NNMT: variants seen among roughly 807,000 people sequenced by gnomAD.
NNMT encodes nicotinamide N-methyltransferase.
In NNMT, 10 loss-of-function variants were observed where a neutral mutation model predicts 11.7. The observed-to-expected ratio is 0.85, with a 90% CI of 0.53 to 1.45. The LOEUF (loss-of-function observed/expected upper bound fraction) is 1.45, where lower values mean the gene tolerates loss of function less well. Among genes scored for constraint, NNMT ranks in the 40% most tolerant of loss-of-function variants. The probability of loss-of-function intolerance (pLI) is 0.00; values close to 1 mark genes in which losing one functional copy is unlikely to be tolerated. For synonymous variants in NNMT, 143 were observed against 133.8 expected (o/e 1.07, Z -0.48); for missense variants, 381 against 319.4 (o/e 1.19, Z -1.47).
intron 2 of NNMT, among the ~76,000 whole-genome samples, chr11:114,266,997 G>A (rs1397333703): frequency 6.6e-6 from 1 of 152,320 alleles, no homozygotes; most frequent in Non-Finnish European, 1.5e-5. Flanking sequence ...GGGCACGGTG[G>A]CTCACACTTT....
At chr11:114,269,795 C>G (rs781115910) in intron 2 of NNMT, among the ~76,000 whole-genome samples, 2 of 152,064 alleles carry the variant, frequency 1.3e-5, no homozygotes, top group Admixed American at 1.3e-4. Flanking sequence ...TTACTAGTGT[C>G]GACTTTTATC....
intron 2 of NNMT, among the ~76,000 whole-genome samples, chr11:114,288,000 G>A (rs200524717): frequency 1.3e-5 from 2 of 152,128 alleles, no homozygotes; most frequent in East Asian, 3.8e-4. Context: ...CAGTGCCATT[G>A]TGGGCAATGT....
chr11:114,299,571 G>A (rs1181153588), intron 2 of NNMT, among the ~76,000 whole-genome samples: 1 of 152,148 alleles, frequency 6.6e-6, no homozygotes, highest in Non-Finnish European at 1.5e-5. Context: ...TCTATTTTCT[G>A]AAAGAGTTTG....
At chr11:114,269,796 G>A (rs890174926) in intron 2 of NNMT, among the ~76,000 whole-genome samples, 2 of 151,928 alleles carry the variant, frequency 1.3e-5, no homozygotes, top group Non-Finnish European at 2.9e-5. Flanking sequence ...TACTAGTGTC[G>A]ACTTTTATCT....
rs570722549 is a variant in NNMT at position 114,263,954 on chromosome 11, G to T, written c.-130+1020G>T. On this transcript the variant is annotated intron_variant, in intron 2 of 4. Transcript: ENST00000535401. The stretch of plus-strand genomic sequence containing the variant: ...GTTCTCTGCCTGCCTTCAGGAGACA[G>T]GGCCTGTCTTTAATCCCTGCCACTG... Among the ~76,000 whole-genome samples the T allele has an allele frequency of 2.0e-5, 3 of 152,240 alleles. No homozygotes were observed. In the South Asian group the frequency reaches 6.2e-4, roughly 32 times the overall value.
chr11:114,296,373 G>T, upstream of NNMT: 1 of 602,912 alleles, frequency 1.7e-6, no homozygotes, highest in Non-Finnish European at 2.8e-6. Context: ...AGAACAGCCA[G>T]AACATTTGTG....
chr11:114,265,070 GT>G (rs1945110014), intron 2 of NNMT, among the ~76,000 whole-genome samples: 3 of 152,166 alleles, frequency 2.0e-5, no homozygotes, highest in African/African-American at 7.2e-5. Context: ...GCAGGGTAGG[GT>G]TGAAAGTCCC....
At chr11:114,310,396 T>G (rs1301615200) in intron 2 of NNMT, among the ~76,000 whole-genome samples, 4 of 152,246 alleles carry the variant, frequency 2.6e-5, no homozygotes, top group African/African-American at 9.6e-5. Flanking sequence ...GCTAAGCTCC[T>G]TAAATGGAAA....
chr11:114,268,993 T>G (rs2135246029), intron 2 of NNMT, among the ~76,000 whole-genome samples: 1 of 152,342 alleles, frequency 6.6e-6, no homozygotes, highest in South Asian at 2.1e-4. Context: ...AAATTTGAAT[T>G]AGTTCATTTA....
chr11:114,286,605 A>G (rs1023333545), intron 2 of NNMT, among the ~76,000 whole-genome samples: 1 of 152,198 alleles, frequency 6.6e-6, no homozygotes, highest in African/African-American at 2.4e-5. Context: ...TTCGCCCTAC[A>G]TCATTTGGAG....
chr11:114,298,153 G>C lies in NNMT; in HGVS notation c.357G>C (p.Gly119=), dbSNP rs747266840. 1 of 1,613,976 alleles carries C rather than the reference G, an allele frequency of 6.2e-7. No homozygotes were observed. Among genetic ancestry groups the C allele is most frequent in the Non-Finnish European group, 8.5e-7 (1 of 1,179,928 alleles). ...PVVTYVCDLE[G]NRVKGPEKEE... ...TGACCTATGTGTGTGATCTTGAAGG[G>C]AACAGGTAGAGAAACTGGTGTCTAC... The change falls in exon 2 of 3, where the codon GGG becomes GGC. Residue 119 remains glycine (G), a synonymous_variant. Coordinates refer to ENST00000299964, the MANE Select transcript of NNMT (RefSeq NM_006169.3).
rs184615229 is a variant in NNMT at position 114,307,038 on chromosome 11, T to C, written c.363-5007T>C. 1.9e-3 allele frequency among the ~76,000 whole-genome samples: 286 copies of C among 152,356 alleles called. 1 individual carries two copies. Among genetic ancestry groups the C allele is most frequent in the African/African-American group, 6.5e-3 (272 of 41,586 alleles). ...AGCTTTTTCAAAACCAGGATCTTGA[T>C]GATCATGATGATTGTTTCAGTGATA... On this transcript the variant is annotated intron_variant, in intron 2 of 2. Coordinates refer to ENST00000299964, the MANE Select transcript of NNMT (RefSeq NM_006169.3).
At chr11:114,284,634 T>G (rs988949548) in intron 2 of NNMT, among the ~76,000 whole-genome samples, 3 of 151,790 alleles carry the variant, frequency 2.0e-5, no homozygotes, top group Non-Finnish European at 4.4e-5. Flanking sequence ...CGACTGATTT[T>G]TGTATTTTTA....
At chr11:114,284,767 T>TC (rs1158840234) in intron 2 of NNMT, among the ~76,000 whole-genome samples, 1 of 100,968 alleles carries the variant, frequency 9.9e-6, no homozygotes, top group Non-Finnish European at 2.1e-5. Flanking sequence ...CGGCCATCTT[T>TC]TTTTTTTTTT....
chr11:114,268,904 G>T (rs189177602), intron 2 of NNMT, among the ~76,000 whole-genome samples: 1 of 152,072 alleles, frequency 6.6e-6, no homozygotes, highest in Admixed American at 6.6e-5. Context: ...GTCCAGTTTC[G>T]TAGTTGTTTA....
intron 2 of NNMT, among the ~76,000 whole-genome samples, chr11:114,286,029 AG>A (rs2135261248): frequency 1.3e-5 from 2 of 152,322 alleles, no homozygotes; most frequent in South Asian, 4.1e-4. Context: ...GGAAAGCTTC[AG>A]CTGCAGTTTC....
chr11:114,303,405 G>T (rs572590719), intron 2 of NNMT, among the ~76,000 whole-genome samples: 1 of 152,222 alleles, frequency 6.6e-6, no homozygotes, highest in South Asian at 2.1e-4. Context: ...GTAATTTAAA[G>T]TATTATTTTT....
rs181266361 is a variant in NNMT at position 114,308,033 on chromosome 11, T to A, written c.363-4012T>A. 7.4e-4 allele frequency among the ~76,000 whole-genome samples: 113 copies of A among 152,288 alleles called. 1 individual carries two copies. The East Asian group carries it at 8.3e-3, about 11-fold the overall frequency. On this transcript the variant is annotated intron_variant, in intron 2 of 2. Coordinates refer to ENST00000299964, the MANE Select transcript of NNMT (RefSeq NM_006169.3). ...GTCTACAATCTCCATGAGGTTAGAA[T>A]CTGTTTCTCATTTGTTCATCCTTGT...
chr11:114,286,836 T>G lies in NNMT; in HGVS notation c.-129-9592T>G, dbSNP rs148905908. On this transcript the variant is annotated intron_variant, in intron 2 of 4. Transcript: ENST00000535401. ...GTACGCAGCAACTCAACTCTACCAG[T>G]CAATGCCAGACTGTTTTCCATAACG... Among the ~76,000 whole-genome samples the G allele has an allele frequency of 1.2e-3, 179 of 152,352 alleles. 1 individual carries two copies. Among genetic ancestry groups the G allele is most frequent in the African/African-American group, 4.1e-3 (172 of 41,574 alleles).
Sources: gnomAD v4.1 joint callset for allele counts (sites outside exome capture counted in the v4.1 genomes callset) on GRCh38, gnomAD v4.1.1 for gene constraint, MANE v1.5 for transcripts, NCBI Gene and HGNC (gene_info 2026-07-23, HGNC 2026-07-21) for gene names.